KCNIP1: variants seen among roughly 807,000 people sequenced by gnomAD.
KCNIP1 encodes the protein A-type potassium channel modulatory protein KCNIP1.
A neutral mutation model predicts 33.0 loss-of-function variants in KCNIP1; 18 were observed. The observed-to-expected ratio is 0.55, with a 90% confidence interval of 0.38 to 0.81. The LOEUF (loss-of-function observed/expected upper bound fraction) is 0.81, where lower values mean the gene tolerates loss of function less well. Ranked by LOEUF, KCNIP1 falls within the 30% of genes least tolerant of loss-of-function variation. KCNIP1 has a pLI of 0.00. For synonymous variants in KCNIP1, 93 were observed against 98.3 expected, an observed-to-expected ratio of 0.95 and a Z score of 0.32; for missense variants, 238 against 271.6, an observed-to-expected ratio of 0.88 and a Z score of 0.87.
At chr5:170,660,640 A>G (rs1028623766) in intron 1 of KCNIP1, among the ~76,000 whole-genome samples, 9 of 152,218 alleles carry the variant, frequency 5.9e-5, no homozygotes, top group Non-Finnish European at 1.2e-4. Context: ...CTCTAGCGAC[A>G]TGGGAAGAGA....
chr5:170,460,523 G>A (rs1014480908), intron 1 of KCNIP1, among the ~76,000 whole-genome samples: 1 of 152,108 alleles, frequency 6.6e-6, no homozygotes, highest in East Asian at 1.9e-4. Flanking sequence ...AGGGATGCAG[G>A]GAGGGTTTAA....
chr5:170,567,364 C>CAGG (rs1393836980), intron 1 of KCNIP1, among the ~76,000 whole-genome samples: 4 of 152,072 alleles, frequency 2.6e-5, no homozygotes, highest in African/African-American at 7.2e-5. Flanking sequence ...AAGGTGGATA[C>CAGG]AGGAGGTGAG....
chr5:170,583,494 G>C (rs192967693), intron 1 of KCNIP1, among the ~76,000 whole-genome samples: 65 of 152,152 alleles, frequency 4.3e-4, no homozygotes, highest in Non-Finnish European at 1.3e-4. Flanking sequence ...GCCCTCATGG[G>C]TCTTGGAAAT....
At chr5:170,555,322 C>T (rs141531744) in intron 1 of KCNIP1, among the ~76,000 whole-genome samples, 1 of 152,308 alleles carries the variant, frequency 6.6e-6, no homozygotes, top group Non-Finnish European at 1.5e-5. Context: ...ATGAGGTGGG[C>T]ACCATGCCCT....
chr5:170,602,909 C>T (rs904433251), intron 1 of KCNIP1, among the ~76,000 whole-genome samples: 2 of 152,156 alleles, frequency 1.3e-5, no homozygotes, highest in Admixed American at 6.5e-5. Context: ...TCCCAAGGTT[C>T]GGCGCCGCAT....
At position 170,477,339 on chromosome 5, in the gene KCNIP1, C is replaced by CAT. The variant is rs1756880637; in HGVS notation, c.88+123382_88+123383dup. 2.7e-5 allele frequency among the ~76,000 whole-genome samples: 4 copies of CAT among 150,858 alleles called. No homozygotes were observed. In the South Asian group the frequency reaches 8.4e-4, roughly 32 times the overall value. ...TATATATTACATATATATATATACACATATATATTAGAAAGTAAATATTTC... is the reference window on the plus strand; with the variant it reads ...TATATATTACATATATATATATACACATATATATATTAGAAAGTAAATATTTC... On this transcript the variant is annotated intron_variant, in intron 1 of 7. Transcript: ENST00000377360.
chr5:170,599,948 T>G (rs1367478712), intron 1 of KCNIP1, among the ~76,000 whole-genome samples: 1 of 152,240 alleles, frequency 6.6e-6, no homozygotes, highest in African/African-American at 2.4e-5. Flanking sequence ...TGGAGCTTCT[T>G]AGCTTGGTGC....
chr5:170,360,636 C>A (rs139938990), intron 1 of KCNIP1, among the ~76,000 whole-genome samples: 526 of 152,346 alleles, frequency 3.5e-3, no homozygotes, highest in Admixed American at 5.3e-3. Flanking sequence ...AATTATCCCC[C>A]CTGCCCCCAG....
At chr5:170,448,310 G>C (rs1415217115) in intron 1 of KCNIP1, among the ~76,000 whole-genome samples, 2 of 152,246 alleles carry the variant, frequency 1.3e-5, no homozygotes, top group African/African-American at 4.8e-5. Context: ...CCCCAAAATA[G>C]AGTTGCCTCA....
At chr5:170,362,466 G>A (rs1363094212) in intron 1 of KCNIP1, among the ~76,000 whole-genome samples, 1 of 152,218 alleles carries the variant, frequency 6.6e-6, no homozygotes, top group African/African-American at 2.4e-5. Flanking sequence ...GTGCAATTGA[G>A]GAGAATGCCC....
chr5:170,556,441 C>T (rs549674022), intron 1 of KCNIP1, among the ~76,000 whole-genome samples: 1 of 152,352 alleles, frequency 6.6e-6, no homozygotes, highest in East Asian at 1.9e-4. Context: ...CCAGAAGGCC[C>T]TTGTAAGCAC....
chr5:170,429,269 A>G (rs1755687816), intron 1 of KCNIP1, among the ~76,000 whole-genome samples: 1 of 152,104 alleles, frequency 6.6e-6, no homozygotes, highest in African/African-American at 2.4e-5. Flanking sequence ...TGTCTCTGCT[A>G]AACCCCTCAC....
intron 1 of KCNIP1, among the ~76,000 whole-genome samples, chr5:170,366,561 G>A (rs1763665819): frequency 6.6e-6 from 1 of 152,240 alleles, no homozygotes; most frequent in African/African-American, 2.4e-5. Flanking sequence ...TCTGGCCAAG[G>A]GAGCTTCTGA....
intron 1 of KCNIP1, among the ~76,000 whole-genome samples, chr5:170,411,441 A>C (rs185460101): frequency 1.9e-4 from 29 of 152,304 alleles, no homozygotes; most frequent in Middle Eastern, 3.4e-3. Flanking sequence ...CAGGGGACAG[A>C]GAGTGAGAGA....
intron 1 of KCNIP1, chr5:170,713,029 A>T: frequency 1.4e-6 from 1 of 714,570 alleles, no homozygotes; most frequent in Non-Finnish European, 2.5e-6. Context: ...ATATATAGAA[A>T]CAGTTGGAAA....
At chr5:170,604,478 T>C (rs1758820636) in intron 1 of KCNIP1, among the ~76,000 whole-genome samples, 1 of 152,116 alleles carries the variant, frequency 6.6e-6, no homozygotes, top group African/African-American at 2.4e-5. Context: ...TTAGGATCCT[T>C]GGCCCCATCT....
rs112395068 is a variant in KCNIP1, at chr5:170,552,778, G to A, written c.61+48145G>A. Among the ~76,000 whole-genome samples, 117 of 152,338 alleles carry A rather than the reference G, an allele frequency of 7.7e-4. 1 individual carries two copies. Among genetic ancestry groups the A allele is most frequent in the African/African-American group, 2.7e-3 (114 of 41,574 alleles). The stretch of plus-strand genomic sequence containing the variant: ...GGCTTACGCAGGACTGACAGGCTCC[G>A]ATTGATGCTTCCCAAGTTCAGCCGT... On this transcript the variant is annotated intron_variant, in intron 1 of 7. Coordinates refer to ENST00000328939, the MANE Select transcript of KCNIP1 (RefSeq NM_014592.4).
In KCNIP1 at chr5:170,591,342, G is replaced by A. The variant is rs181052887; in HGVS notation, c.61+86709G>A. On this transcript the variant is annotated intron_variant, in intron 1 of 7. Transcript: ENST00000328939. ...CCTGTATTCTCAGGACTTGGACAGCGGTGGAAGCTCTACTTAGCTTGCTGA... is the reference window on the plus strand; with the variant it reads ...CCTGTATTCTCAGGACTTGGACAGCAGTGGAAGCTCTACTTAGCTTGCTGA... 4.7e-5 allele frequency among the ~76,000 whole-genome samples: 7 copies of A among 150,022 alleles called. No homozygotes were observed. In the East Asian group the frequency reaches 1.2e-3, roughly 26 times the overall value.
chr5:170,415,797 G>C (rs1299084279), intron 1 of KCNIP1, among the ~76,000 whole-genome samples: 1 of 152,132 alleles, frequency 6.6e-6, no homozygotes, highest in African/African-American at 2.4e-5. Flanking sequence ...GCACTCAATA[G>C]GTTCTCCAGT....
Sources: gnomAD v4.1 joint callset for allele counts (sites outside exome capture counted in the v4.1 genomes callset) on GRCh38, gnomAD v4.1.1 for gene constraint, MANE v1.5 for transcripts, NCBI Gene and HGNC (gene_info 2026-07-23, HGNC 2026-07-21) for gene names.